Variants in CCDC77 observed in about 807,000 individuals in gnomAD.
CCDC77 encodes coiled-coil domain-containing protein 77.
In CCDC77, 56 loss-of-function variants were observed where a neutral mutation model predicts 66.8. That is an observed-to-expected ratio of 0.84 (90% CI 0.68 to 1.05). The LOEUF is 1.05. Ranked by LOEUF, CCDC77 falls within the 50% of genes least tolerant of loss-of-function variation. The pLI is 0.00. For synonymous variants in CCDC77, 196 were observed against 195.2 expected, an observed-to-expected ratio of 1.00 and a Z score of -0.03; for missense variants, 570 against 576.8, an observed-to-expected ratio of 0.99 and a Z score of 0.12.
Position 442,364 on chromosome 12 carries a change from C to G in CCDC77, c.*444C>G, listed in dbSNP as rs560285164. 70 of 155,252 alleles carry G rather than the reference C, an allele frequency of 4.5e-4. 1 individual carries two copies. In the South Asian group the frequency reaches 6.1e-3, roughly 14 times the overall value. The allele number at this position is 155,252 out of a possible 1,614,324, so 9.6% of individuals were successfully genotyped here. A position where few individuals can be genotyped will look rare whatever the true frequency, so the allele number is the denominator to read the frequency against. On this transcript the variant is annotated 3_prime_UTR_variant, in exon 13 of 13. Transcript: ENST00000239830. ...TCGGGGAGAAGGCAGCACATCACAA[C>G]CTGTCACATTGAAATAGGCGCTCAT...
chr12:434,413 C>T (rs1477392760), intron 9 of CCDC77, among the ~76,000 whole-genome samples: 5 of 149,082 alleles, frequency 3.4e-5, no homozygotes, highest in Non-Finnish European at 7.4e-5. Context: ...AGTGCAGTGG[C>T]GTGATCCCGG....
chr12:440,958 C>T lies in CCDC77; in HGVS notation c.1282C>T (p.Arg428Ter), dbSNP rs201607542. Residue 428 changes from arginine to a stop codon, truncating the protein, a stop_gained, in exon 12 of 13, where the codon CGA becomes TGA. Transcript: ENST00000239830. LOFTEE classifies it high-confidence loss of function. ...CTTTAAGACAGATATTAAAGTTCTC[C>T]GACAGAAACTGAAAGACTTGGAGCA... ...EGFKTDIKVLRQKLKDLEQML... is the reference protein window; with the variant it reads ...EGFKTDIKVL 10 of 1,612,790 alleles carry T rather than the reference C, an allele frequency of 6.2e-6. No individual in the cohort carries two copies. Among genetic ancestry groups the T allele is most frequent in the African/African-American group, 2.7e-5 (2 of 74,872 alleles).
At chr12:427,043 A>G (rs370829536) in intron 5 of CCDC77, among the ~76,000 whole-genome samples, 9 of 152,106 alleles carry the variant, frequency 5.9e-5, no homozygotes, top group Non-Finnish European at 1.2e-4. Flanking sequence ...TCAGGAGTTC[A>G]AGACCAGCCT....
At chr12:405,600 G>A (rs563420061) in intron 2 of CCDC77, 36 bp downstream of exon 2, 23 of 152,320 alleles carry the variant, frequency 1.5e-4, no homozygotes, top group African/African-American at 5.5e-4. Flanking sequence ...TTTTAAAGGA[G>A]AGAATTAGAA....
At chr12:425,282 G>C (rs1945506464) in intron 5 of CCDC77, among the ~76,000 whole-genome samples, 1 of 151,360 alleles carries the variant, frequency 6.6e-6, no homozygotes, top group Admixed American at 6.6e-5. Context: ...TTTTTAGCAG[G>C]ATCTACTAGC....
At chr12:407,747 A>G (rs1187468403) in intron 2 of CCDC77, among the ~76,000 whole-genome samples, 1 of 147,628 alleles carries the variant, frequency 6.8e-6, no homozygotes, top group African/African-American at 2.5e-5. Context: ...CTCTTTTCAT[A>G]CTTTTACACA....
chr12:415,378 A>ATAATATTATGTTAATATAATTAACG lies in CCDC77; in HGVS notation c.271-3096_271-3095insTAACGTAATATTATGTTAATATAAT, dbSNP rs1565568085. Among the ~76,000 whole-genome samples the ATAATATTATGTTAATATAATTAACG allele has an allele frequency of 4.4e-3, 469 of 107,572 alleles. 29 individuals are homozygous for ATAATATTATGTTAATATAATTAACG. The highest frequency in any genetic ancestry group is 0.018 in the South Asian group (53 of 3,014). The allele number at this position is 107,572 out of a possible 152,430, so 70.6% of individuals were successfully genotyped here. On this transcript the variant is annotated intron_variant, in intron 4 of 12. Transcript: ENST00000239830. ...ATAATATTATGTTAATATAATCAACATAATATTATGTTAATATAATCAACA... is the reference window on the plus strand; with the variant it reads ...ATAATATTATGTTAATATAATCAACATAATATTATGTTAATATAATTAACGTAATATTATGTTAATATAATCAACA...
rs1307027692 is a variant in CCDC77, at chr12:423,470, G to GTTTTTTTTTTTTTTTTT, written c.413+4840_413+4841insTTTTTTTTTTTTTTTTT. On this transcript the variant is annotated intron_variant, in intron 5 of 12. Transcript: ENST00000239830. ...TTGTTATTTTCTGGGTGTTTTTTGT[G>GTTTTTTTTTTTTTTTTT]TTTTTTGTGTTTTTTTTTGTTTTGT... Among the ~76,000 whole-genome samples the GTTTTTTTTTTTTTTTTT allele has an allele frequency of 1.1e-4, 5 of 44,876 alleles. 1 individual carries two copies. Among genetic ancestry groups the GTTTTTTTTTTTTTTTTT allele is most frequent in the South Asian group, 9.8e-4 (1 of 1,022 alleles). 29.4% of individuals were successfully genotyped at this position (44,876 alleles called of 152,430 possible).
chr12:400,371 C>T (rs1026285478), upstream of CCDC77, among the ~76,000 whole-genome samples: 1 of 152,206 alleles, frequency 6.6e-6, no homozygotes, highest in Non-Finnish European at 1.5e-5. Context: ...AAAAACTTTT[C>T]CTTTGCATGC....
intron 6 of CCDC77, among the ~76,000 whole-genome samples, chr12:429,778 A>G (rs533366537): frequency 1.3e-5 from 2 of 151,964 alleles, no homozygotes; most frequent in South Asian, 4.2e-4. Context: ...TTTTAAAAAA[A>G]CAATAAAAAT....
intron 4 of CCDC77, among the ~76,000 whole-genome samples, chr12:415,320 TAATCAACATAATATTA>T (rs1945208651): frequency 8.6e-6 from 1 of 116,178 alleles, no homozygotes; most frequent in Non-Finnish European, 1.8e-5. Context: ...TATGTTAATA[TAATCAACATAATATTA>T]TGTTAATATA....
chr12:417,224 C>G (rs989413954), intron 4 of CCDC77, among the ~76,000 whole-genome samples: 5 of 151,910 alleles, frequency 3.3e-5, no homozygotes, highest in Admixed American at 3.3e-4. Flanking sequence ...TTTCACTTAG[C>G]ATAATGTCCT....
rs538684151 is a variant in CCDC77 at position 437,924 on chromosome 12, C to T, written c.822-411C>T. ...GATATAGGCAGTTCTACATGGAGCA[C>T]AGCATACACAAAAGCAAAGCTGTTT... is the stretch of plus-strand genomic sequence containing the variant. On this transcript the variant is annotated intron_variant, in intron 9 of 12. Transcript: ENST00000239830. Among the ~76,000 whole-genome samples, 3 of 150,918 alleles carry T rather than the reference C, an allele frequency of 2.0e-5. No homozygotes were observed. The South Asian group carries it at 6.3e-4, about 32-fold the overall frequency.
intron 1 of CCDC77, among the ~76,000 whole-genome samples, chr12:402,301 T>A (rs899200307): frequency 3.3e-5 from 5 of 152,194 alleles, no homozygotes; most frequent in Non-Finnish European, 2.9e-5. Context: ...GGAGAAACGA[T>A]AGCAATAAAG....
At chr12:433,490 C>T (rs1206408416) in intron 9 of CCDC77, 168 bp downstream of exon 9, 2 of 1,401,074 alleles carry the variant, frequency 1.4e-6, no homozygotes, top group African/African-American at 1.4e-5. Flanking sequence ...CCTCGCTTTT[C>T]CAGGCGTGCT....
At chr12:423,498 T>G (rs1324100620) in intron 5 of CCDC77, among the ~76,000 whole-genome samples, 18 of 77,596 alleles carry the variant, frequency 2.3e-4, no homozygotes, top group African/African-American at 1.0e-3. Context: ...TGTTTTGTTT[T>G]TTTTTTTTTT....
At chr12:413,602 T>C (rs1945160132) in intron 4 of CCDC77, among the ~76,000 whole-genome samples, 1 of 149,322 alleles carries the variant, frequency 6.7e-6, no homozygotes, top group African/African-American at 2.5e-5. Context: ...CAGAATCTTT[T>C]GACTTTCCCA....
At chr12:404,415 C>A (rs1382252950) in intron 1 of CCDC77, among the ~76,000 whole-genome samples, 1 of 152,186 alleles carries the variant, frequency 6.6e-6, no homozygotes, top group Non-Finnish European at 1.5e-5. Flanking sequence ...CAGAAAAGAG[C>A]AATTGAATTT....
At chr12:423,470 G>GTTTTTTTTTTTTTTTTTTTTTTTTTT (rs1307027692) in intron 5 of CCDC77, among the ~76,000 whole-genome samples, 1 of 44,846 alleles carries the variant, frequency 2.2e-5, no homozygotes, top group Non-Finnish European at 4.5e-5. Context: ...TGTTTTTTGT[G>GTTTTTTTTTTTTTTTTTTTTTTTTTT]TTTTTTGTGT....
Sources: allele counts gnomAD v4.1 joint callset (sites outside exome capture counted in the v4.1 genomes callset), GRCh38; gene constraint gnomAD v4.1.1; transcripts MANE v1.5; gene names NCBI Gene and HGNC (gene_info 2026-07-23, HGNC 2026-07-21).